The following SNTG2 variants were observed in gnomAD, a reference collection of about 807,000 sequenced individuals.
SNTG2 encodes the protein syntrophin gamma 2, also known as gamma-2-syntrophin.
A neutral mutation model predicts 70.9 loss-of-function variants in SNTG2; 74 were observed. The observed-to-expected ratio is 1.04, with a 90% CI of 0.86 to 1.27. The LOEUF is 1.27. SNTG2 is among the 50% of genes most tolerant of loss of function. The pLI is 0.00. For synonymous variants in SNTG2, 278 were observed against 273.8 expected (o/e 1.02, Z -0.15); for missense variants, 717 against 690.7 (o/e 1.04, Z -0.43).
At chr2:1,302,537 T>C (rs1680498957) in intron 14 of SNTG2, among the ~76,000 whole-genome samples, 1 of 92,664 alleles carries the variant, frequency 1.1e-5, no homozygotes, top group Non-Finnish European at 2.1e-5. Flanking sequence ...TAAATTGGAA[T>C]GCTAAAAAAA....
chr2:1,221,301 C>CTA, intron 9 of SNTG2, among the ~76,000 whole-genome samples: 1 of 5,928 alleles, frequency 1.7e-4, no homozygotes, highest in Middle Eastern at 0.071. Context: ...CTCTCTGTCC[C>CTA]TCTCTGTCTC....
At chr2:1,254,644 C>G (rs1677944413) in intron 12 of SNTG2, among the ~76,000 whole-genome samples, 1 of 152,172 alleles carries the variant, frequency 6.6e-6, no homozygotes, top group Non-Finnish European at 1.5e-5. Context: ...ATTCATTGTT[C>G]TATGATAACA....
Position 1,187,061 on chromosome 2 carries a change from C to T in SNTG2, c.591+13878C>T, listed in dbSNP as rs367732144. On this transcript the variant is annotated intron_variant, in intron 8 of 16. Transcript: ENST00000308624. Reference sequence around the variant, plus strand: ...AGACCGAAGACGTCTAGCACATGCTCACCCATCAAGGTGTCTGAACCATGT... The same window carrying T: ...AGACCGAAGACGTCTAGCACATGCTTACCCATCAAGGTGTCTGAACCATGT... Among the ~76,000 whole-genome samples, 140 of 152,290 alleles carry T rather than the reference C, an allele frequency of 9.2e-4. 6 individuals are homozygous for T. In the South Asian group the frequency reaches 0.028, roughly 30 times the overall value.
At chr2:1,168,087 G>A (rs1345298997) in intron 7 of SNTG2, among the ~76,000 whole-genome samples, 31 of 112,468 alleles carry the variant, frequency 2.8e-4, no homozygotes, top group East Asian at 1.7e-3. Flanking sequence ...GAAACCTACA[G>A]GCCGCCCACA....
chr2:1,320,747 C>T (rs1439223419), intron 16 of SNTG2, among the ~76,000 whole-genome samples: 1 of 152,016 alleles, frequency 6.6e-6, no homozygotes, highest in Non-Finnish European at 1.5e-5. Context: ...GAAGAATTTA[C>T]TTCCATCCTG....
At chr2:1,348,921 G>A (rs1035257346) in intron 16 of SNTG2, among the ~76,000 whole-genome samples, 1 of 152,176 alleles carries the variant, frequency 6.6e-6, no homozygotes, top group Non-Finnish European at 1.5e-5. Context: ...TCTTGTTATA[G>A]CCCAGTGGGT....
chr2:1,056,251 T>C (rs532580517), intron 1 of SNTG2, among the ~76,000 whole-genome samples: 1,114 of 66,934 alleles, frequency 0.017, 22 homozygotes, highest in African/African-American at 0.019. Flanking sequence ...GAGGCCGCAC[T>C]GTGCTGTGGG....
chr2:1,269,932 G>A (rs1054553511), intron 14 of SNTG2, among the ~76,000 whole-genome samples: 9 of 152,148 alleles, frequency 5.9e-5, no homozygotes, highest in Non-Finnish European at 1.0e-4. Flanking sequence ...GGCTGTGGGG[G>A]CCGTGATGAC....
chr2:999,419 C>T (rs1445584773), intron 1 of SNTG2, among the ~76,000 whole-genome samples: 2 of 151,966 alleles, frequency 1.3e-5, no homozygotes, highest in African/African-American at 4.8e-5. Context: ...AGTGGTAAGA[C>T]ATTAGTAGGC....
At chr2:1,271,728 G>A (rs1204428901) in intron 14 of SNTG2, among the ~76,000 whole-genome samples, 1 of 152,140 alleles carries the variant, frequency 6.6e-6, no homozygotes, top group Non-Finnish European at 1.5e-5. Context: ...GGCAGAAAAT[G>A]GCCTCCATAA....
At chr2:968,334 T>C (rs191497162) in intron 1 of SNTG2, among the ~76,000 whole-genome samples, 146 of 152,314 alleles carry the variant, frequency 9.6e-4, no homozygotes, top group African/African-American at 3.3e-3. Flanking sequence ...CCTTTTCCAT[T>C]TGTAATACTC....
intron 14 of SNTG2, among the ~76,000 whole-genome samples, chr2:1,268,433 G>T (rs558249375): frequency 1.3e-5 from 2 of 152,100 alleles, no homozygotes; most frequent in African/African-American, 4.8e-5. Flanking sequence ...CACAGAGCAC[G>T]AAGCTTCCCT....
At position 1,282,480 on chromosome 2, in the gene SNTG2, A is replaced by G. The variant is rs895750801; in HGVS notation, c.1284+14909A>G. On this transcript the variant is annotated intron_variant, in intron 14 of 16. Coordinates refer to ENST00000308624, the MANE Select transcript of SNTG2 (RefSeq NM_018968.4). ...GCTTTGGAAGTCAGAAATGCACCCA[A>G]CACATTCAGAAGGCCCAGCTTCAGG... Among the ~76,000 whole-genome samples the G allele has an allele frequency of 2.0e-5, 3 of 152,316 alleles. 1 individual carries two copies. In the South Asian group the frequency reaches 6.2e-4, roughly 32 times the overall value.
rs575050132 is a variant in SNTG2 at position 1,190,470 on chromosome 2, T to G, written c.591+17287T>G. ...GCATGGTTGATTGAATCCACAGATGTGGAACCACAAATATGGAGGGCTGAC... is the reference window on the plus strand; with the variant it reads ...GCATGGTTGATTGAATCCACAGATGGGGAACCACAAATATGGAGGGCTGAC... On this transcript the variant is annotated intron_variant, in intron 8 of 16. Transcript: ENST00000308624. 3.6e-3 allele frequency among the ~76,000 whole-genome samples: 523 copies of G among 143,672 alleles called. 9 individuals carry two copies. The highest frequency in any genetic ancestry group is 0.013 in the African/African-American group (499 of 38,856). 94.3% of individuals were successfully genotyped at this position (143,672 alleles called of 152,430 possible).
chr2:1,304,406 T>C (rs1416874683), intron 14 of SNTG2, among the ~76,000 whole-genome samples: 1 of 152,030 alleles, frequency 6.6e-6, no homozygotes, highest in African/African-American at 2.4e-5. Context: ...TGTGGCATCC[T>C]GTTCTTGGTG....
rs576223980 is a variant in SNTG2, at chr2:1,155,424, G to GTGTACACACA, written c.412-10123_412-10114dup. ...TATACATGCCCCACATCACACACAC[G>GTGTACACACA]TGTACACACACCACATATGTACACA... On this transcript the variant is annotated intron_variant, in intron 6 of 16. Transcript: ENST00000308624. 1.7e-3 allele frequency among the ~76,000 whole-genome samples: 264 copies of GTGTACACACA among 151,752 alleles called. 3 individuals carry two copies. The highest frequency in any genetic ancestry group is 6.2e-3 in the African/African-American group (258 of 41,346).
At chr2:1,305,261 A>G (rs1274984981) in intron 14 of SNTG2, among the ~76,000 whole-genome samples, 3 of 152,238 alleles carry the variant, frequency 2.0e-5, no homozygotes, top group Non-Finnish European at 4.4e-5. Context: ...GAGAATTCCA[A>G]ATGACTACAC....
chr2:1,008,476 C>G (rs796248730), intron 1 of SNTG2, among the ~76,000 whole-genome samples: 1 of 152,176 alleles, frequency 6.6e-6, no homozygotes, highest in East Asian at 1.9e-4. Flanking sequence ...ACAATCATCA[C>G]ATACCAGTAT....
At chr2:1,365,920 C>G (rs188577520) in intron 16 of SNTG2, among the ~76,000 whole-genome samples, 1 of 152,164 alleles carries the variant, frequency 6.6e-6, no homozygotes, top group Admixed American at 6.5e-5. Context: ...GGGCTTTACC[C>G]GGTGATGTGT....
Sources: gnomAD v4.1 joint callset for allele counts (sites outside exome capture counted in the v4.1 genomes callset) on GRCh38, gnomAD v4.1.1 for gene constraint, MANE v1.5 for transcripts, NCBI Gene and HGNC (gene_info 2026-07-23, HGNC 2026-07-21) for gene names.